The following SMARCA5 variants were observed in gnomAD, a reference collection of about 807,000 sequenced individuals.
The protein encoded by SMARCA5 is SNF2 related chromatin remodeling ATPase 5.
In SMARCA5, 18 loss-of-function variants were observed where a neutral mutation model predicts 140.4. That is an observed-to-expected ratio of 0.13 (90% CI 0.09 to 0.19). The LOEUF (loss-of-function observed/expected upper bound fraction) is 0.19. SMARCA5 is among the 10% of genes least tolerant of loss of function. SMARCA5 has a pLI of 1.00. For missense variants in SMARCA5, 606 were observed against 1,276.8 expected (o/e 0.47, Z 8.01); for synonymous variants, 449 against 419.6 (o/e 1.07, Z -0.86).
intron 3 of SMARCA5, among the ~76,000 whole-genome samples, chr4:143,521,893 C>CAA (rs58679947): frequency 0.025 from 1,130 of 44,754 alleles, 94 homozygotes; most frequent in African/African-American, 0.072. Context: ...CCCATCTCTA[C>CAA]AAAAAAAAAA....
Position 143,546,901 on chromosome 4 carries a change from A to G in SMARCA5, c.2646A>G (p.Glu882=). ...VEGKTPEEVI[E]YSAVFWERCN... ...GCAAAACTCCAGAAGAAGTCATTGA[A>G]TATTCAGGTAATTCTTTTAAGCAGG... Residue 882 remains glutamate (E), a synonymous_variant, in exon 20 of 24, where the codon GAA becomes GAG. Coordinates refer to ENST00000283131, the MANE Select transcript of SMARCA5 (RefSeq NM_003601.4). The G allele has an allele frequency of 6.2e-7, 1 of 1,612,584 alleles. No homozygotes were observed. Among genetic ancestry groups the G allele is most frequent in the Admixed American group, 1.7e-5 (1 of 59,942 alleles).
intron 6 of SMARCA5, among the ~76,000 whole-genome samples, chr4:143,527,488 A>G (rs1298290335): frequency 6.6e-6 from 1 of 152,216 alleles, no homozygotes; most frequent in Non-Finnish European, 1.5e-5. Context: ...CCTGAAAGGA[A>G]TGCAGATGCC....
In SMARCA5 at chr4:143,545,602, C is replaced by G. The variant is rs1221156423; in HGVS notation, c.2397+19C>G. On this transcript the variant is annotated intron_variant, in intron 18 of 23. Coordinates refer to ENST00000283131, the MANE Select transcript of SMARCA5 (RefSeq NM_003601.4). ...GTACAAGGTAATTGAAATTATCTGC[C>G]TTTCTGTTCATTCCTATCCAGAAAT... 7.4e-7 allele frequency: 1 copy of G among 1,360,104 alleles called. No homozygotes were observed. The highest frequency in any genetic ancestry group is 1.0e-6 in the Non-Finnish European group (1 of 954,164). The allele number at this position is 1,360,104 out of a possible 1,614,324, so 84.3% of individuals were successfully genotyped here. A position where few individuals can be genotyped will look rare whatever the true frequency, so the allele number is the denominator to read the frequency against.
intron 9 of SMARCA5, among the ~76,000 whole-genome samples, chr4:143,531,112 G>T (rs565960032): frequency 6.6e-6 from 1 of 152,156 alleles, no homozygotes; most frequent in Non-Finnish European, 1.5e-5. Flanking sequence ...GAGCCACCAC[G>T]CCCGGCCTTA....
chr4:143,531,137 A>G (rs1333288846), intron 9 of SMARCA5, among the ~76,000 whole-genome samples: 1 of 152,230 alleles, frequency 6.6e-6, no homozygotes, highest in East Asian at 1.9e-4. Context: ...ACAAGTTTTT[A>G]AAGCTTAGTT....
In SMARCA5 at chr4:143,538,795, A is replaced by C. The variant is rs140864882; in HGVS notation, c.1627A>C (p.Asn543His). ...TTTGTTTTATCCATAGGACTCCATCAATGCATACAATGAACCAAACAGCAC... is the reference window on the plus strand; with the variant it reads ...TTTGTTTTATCCATAGGACTCCATCCATGCATACAATGAACCAAACAGCAC... ...TPHDERQDSI[N>H]AYNEPNSTKF... The change falls in exon 13 of 24, where the codon AAT becomes CAT. Residue 543 changes from asparagine to histidine, a missense_variant. Physicochemically the swap from Asn to His is moderately conservative, Grantham distance 68 (BLOSUM62 1). Transcript: ENST00000283131. 1 of 1,613,970 alleles carries C rather than the reference A, an allele frequency of 6.2e-7. No individual in the cohort carries two copies. Among genetic ancestry groups the C allele is most frequent in the Non-Finnish European group, 8.5e-7 (1 of 1,179,906 alleles).
intron 20 of SMARCA5, 22 bp from the exon 21 acceptor site, chr4:143,547,363 T>G (rs778971434): frequency 4.2e-6 from 5 of 1,191,080 alleles, no homozygotes; most frequent in Non-Finnish European, 6.2e-6. Context: ...AATGATTTGT[T>G]TACTTTGTCC....
rs763956683 is a variant in SMARCA5, at chr4:143,547,922, T to C, written c.2773-6T>C. On this transcript the variant is annotated splice_polypyrimidine_tract_variant and splice_region_variant and intron_variant, in intron 21 of 23. Transcript: ENST00000283131. ...TTTTATATAATATAAAATCTGACTT[T>C]CATAGATTGGACGGTACAAAGCACC... is the stretch of plus-strand genomic sequence containing the variant. 1.3e-6 allele frequency: 2 copies of C among 1,510,424 alleles called. No individual in the cohort carries two copies. Among genetic ancestry groups the C allele is most frequent in the East Asian group, 2.3e-5 (1 of 44,270 alleles). 93.6% of individuals were successfully genotyped at this position (1,510,424 alleles called of 1,614,324 possible). A position where few individuals can be genotyped will look rare whatever the true frequency, so the allele number is the denominator to read the frequency against.
intron 8 of SMARCA5, among the ~76,000 whole-genome samples, chr4:143,529,247 A>G (rs1737134220): frequency 6.6e-6 from 1 of 152,092 alleles, no homozygotes; most frequent in African/African-American, 2.4e-5. Context: ...AGTCTTCTTT[A>G]AATCATTGTT....
chr4:143,548,632 C>T (rs1483898415), intron 22 of SMARCA5, among the ~76,000 whole-genome samples: 2 of 151,970 alleles, frequency 1.3e-5, no homozygotes, highest in African/African-American at 4.8e-5. Flanking sequence ...GACCAAATAG[C>T]CCCATTTCTA....
intron 1 of SMARCA5, among the ~76,000 whole-genome samples, chr4:143,515,950 GAC>G (rs368146394): frequency 1.8e-4 from 27 of 150,806 alleles, no homozygotes; most frequent in African/African-American, 5.6e-4. Flanking sequence ...TCTTATCACT[GAC>G]ACATTTTTTT....
intron 1 of SMARCA5, among the ~76,000 whole-genome samples, chr4:143,515,003 T>C (rs1736798025): frequency 6.6e-6 from 1 of 152,170 alleles, no homozygotes; most frequent in Non-Finnish European, 1.5e-5. Flanking sequence ...CTTCCAGGCT[T>C]TGCATCTGGG....
chr4:143,547,185 C>T (rs755193138), intron 20 of SMARCA5, among the ~76,000 whole-genome samples, 200 bp from the exon 21 acceptor site: 1 of 152,072 alleles, frequency 6.6e-6, no homozygotes, highest in Non-Finnish European at 1.5e-5. Flanking sequence ...AATTTCTCTG[C>T]ATAACTTCAA....
At chr4:143,536,744 C>A in intron 11 of SMARCA5, 66 bp downstream of exon 11, 1 of 1,131,848 alleles carries the variant, frequency 8.8e-7, no homozygotes, top group Non-Finnish European at 1.3e-6. Flanking sequence ...CAAAGGAGCA[C>A]TGTACTTTGA....
At chr4:143,542,382 T>C (rs965311508) in intron 14 of SMARCA5, among the ~76,000 whole-genome samples, 1 of 152,014 alleles carries the variant, frequency 6.6e-6, no homozygotes, top group Admixed American at 6.6e-5. Context: ...AAAACGAGAG[T>C]ACACAAGCAC....
At position 143,517,465 on chromosome 4, in the gene SMARCA5, A is replaced by G. The variant is rs184377617; in HGVS notation, c.252+36A>G. 2.7e-4 allele frequency: 368 copies of G among 1,379,520 alleles called. 1 individual carries two copies. The East Asian group carries it at 7.9e-3, about 30-fold the overall frequency. 85.5% of individuals were successfully genotyped at this position (1,379,520 alleles called of 1,614,324 possible). A position where few individuals can be genotyped will look rare whatever the true frequency, so the allele number is the denominator to read the frequency against. On this transcript the variant is annotated intron_variant, in intron 2 of 23. Transcript: ENST00000283131. ...GGCTTGTGAATAGAGTCTATAAGGAAAACTTTTTATCAGGTGATTAAATGT... is the reference window on the plus strand; with the variant it reads ...GGCTTGTGAATAGAGTCTATAAGGAGAACTTTTTATCAGGTGATTAAATGT...
At chr4:143,545,135 G>T (rs543246227) in intron 17 of SMARCA5, among the ~76,000 whole-genome samples, 1 of 152,026 alleles carries the variant, frequency 6.6e-6, no homozygotes, top group African/African-American at 2.4e-5. Flanking sequence ...TAGTGATGGG[G>T]TTTCACCATG....
intron 6 of SMARCA5, 57 bp downstream of exon 6, chr4:143,526,517 T>A: frequency 9.0e-7 from 1 of 1,107,688 alleles, no homozygotes. Flanking sequence ...AATTCAGGCT[T>A]GGGTATGGGT....
In SMARCA5 at chr4:143,528,105, T is replaced by C. The variant is rs114968429; in HGVS notation, c.957+82T>C. 2.0e-3 allele frequency: 2,214 copies of C among 1,083,338 alleles called. 36 individuals carry two copies. The African/African-American group carries it at 0.032, about 16-fold the overall frequency. 67.1% of individuals were successfully genotyped at this position (1,083,338 alleles called of 1,614,324 possible). ...ATTTTTTTTTCTTTTAACTTTAAGT[T>C]ATGAGATACATGTGCAGAACGTGCA... On this transcript the variant is annotated intron_variant, in intron 7 of 23. Coordinates refer to ENST00000283131, the MANE Select transcript of SMARCA5 (RefSeq NM_003601.4).
Sources: allele counts gnomAD v4.1 joint callset (sites outside exome capture counted in the v4.1 genomes callset), GRCh38; gene constraint gnomAD v4.1.1; transcripts MANE v1.5; gene names NCBI Gene and HGNC (gene_info 2026-07-23, HGNC 2026-07-21).